GPM6A: variants seen among roughly 807,000 people sequenced by gnomAD.
The protein encoded by GPM6A is glycoprotein M6A, also known as neuronal membrane glycoprotein M6-a.
Under a neutral mutation model 32.1 loss-of-function variants are expected in GPM6A, and 7 were observed. The ratio of observed to expected loss-of-function variants is 0.22; its 90% CI spans 0.12 to 0.41. The LOEUF (loss-of-function observed/expected upper bound fraction) is 0.41. GPM6A is among the 10% of genes least tolerant of loss of function. The pLI is 1.00. For missense variants in GPM6A, 235 were observed against 347.2 expected, an observed-to-expected ratio of 0.68 and a Z score of 2.57; for synonymous variants, 130 against 123.4, an observed-to-expected ratio of 1.05 and a Z score of -0.35.
intron 3 of GPM6A, among the ~76,000 whole-genome samples, chr4:175,665,148 C>T (rs1397673536): frequency 1.3e-5 from 2 of 152,162 alleles, no homozygotes; most frequent in African/African-American, 2.4e-5. Context: ...GTCCTGTGTG[C>T]CCACAATGTG....
chr4:175,818,659 C>T (rs985222198), intron 1 of GPM6A, among the ~76,000 whole-genome samples: 1 of 152,230 alleles, frequency 6.6e-6, no homozygotes, highest in African/African-American at 2.4e-5. Flanking sequence ...TGAACAAACT[C>T]AGTGGCTTAC....
intron 1 of GPM6A, among the ~76,000 whole-genome samples, chr4:175,944,385 C>A (rs1315849375): frequency 6.6e-6 from 1 of 152,154 alleles, no homozygotes; most frequent in African/African-American, 2.4e-5. Flanking sequence ...CAAAAGGAAA[C>A]AGCCCGAGTA....
intron 1 of GPM6A, among the ~76,000 whole-genome samples, chr4:175,758,600 A>T (rs1732621513): frequency 6.6e-6 from 1 of 152,198 alleles, no homozygotes; most frequent in African/African-American, 2.4e-5. Flanking sequence ...AAATCTAAAA[A>T]TGACCGTTTT....
intron 1 of GPM6A, among the ~76,000 whole-genome samples, chr4:175,878,505 C>T (rs1737159479): frequency 1.3e-5 from 2 of 152,180 alleles, no homozygotes; most frequent in African/African-American, 4.8e-5. Context: ...GCTGCCAAGG[C>T]TTGGGGCTTT....
chr4:175,917,420 A>C (rs1375654729), intron 1 of GPM6A, among the ~76,000 whole-genome samples: 1 of 152,186 alleles, frequency 6.6e-6, no homozygotes, highest in African/African-American at 2.4e-5. Flanking sequence ...CAAGAAAAGG[A>C]ATATTAGCAA....
chr4:175,983,655 T>C (rs1391103617), intron 1 of GPM6A, among the ~76,000 whole-genome samples: 3 of 152,214 alleles, frequency 2.0e-5, no homozygotes, highest in Admixed American at 6.5e-5. Flanking sequence ...ACTTGGCCTA[T>C]ACATGTTGCA....
chr4:175,742,922 G>C (rs1731946836), intron 1 of GPM6A, among the ~76,000 whole-genome samples: 1 of 152,002 alleles, frequency 6.6e-6, no homozygotes. Flanking sequence ...AGATGTGGGA[G>C]GATAACTTGA....
intron 1 of GPM6A, among the ~76,000 whole-genome samples, chr4:175,721,121 T>C (rs1746104660): frequency 7.4e-6 from 1 of 136,016 alleles, no homozygotes. Flanking sequence ...ATATTTTCTA[T>C]TTTTAAAAAG....
intron 1 of GPM6A, among the ~76,000 whole-genome samples, chr4:175,928,034 T>G (rs1738904512): frequency 6.6e-6 from 1 of 152,190 alleles, no homozygotes; most frequent in Non-Finnish European, 1.5e-5. Flanking sequence ...ATTTAGCAAA[T>G]TATTCTTATT....
chr4:175,732,069 C>A (rs1052754535), intron 1 of GPM6A, among the ~76,000 whole-genome samples: 9 of 149,496 alleles, frequency 6.0e-5, no homozygotes, highest in Non-Finnish European at 1.3e-4. Context: ...TGGGTTCAAG[C>A]GATTCGCCTG....
At chr4:175,735,167 T>C (rs938749120) in intron 1 of GPM6A, among the ~76,000 whole-genome samples, 3 of 152,342 alleles carry the variant, frequency 2.0e-5, no homozygotes, top group African/African-American at 7.2e-5. Flanking sequence ...GAGTTAATAC[T>C]TTTTTCTTCC....
chr4:175,689,710 T>C (rs867242511), intron 2 of GPM6A, among the ~76,000 whole-genome samples: 2 of 152,238 alleles, frequency 1.3e-5, no homozygotes, highest in Non-Finnish European at 2.9e-5. Flanking sequence ...TATTGAAATC[T>C]CCTACTATGA....
chr4:175,675,825 T>C (rs1223732228), intron 2 of GPM6A, among the ~76,000 whole-genome samples: 2 of 150,236 alleles, frequency 1.3e-5, no homozygotes, highest in African/African-American at 4.9e-5. Flanking sequence ...AATTTCTTCG[T>C]TTTTTTTGTA....
At chr4:175,785,983 C>T (rs1436098478) in intron 1 of GPM6A, among the ~76,000 whole-genome samples, 3 of 151,408 alleles carry the variant, frequency 2.0e-5, no homozygotes, top group Non-Finnish European at 4.4e-5. Flanking sequence ...ATAAACACTT[C>T]GATAGAGAAA....
chr4:175,713,705 C>T (rs1414761433), intron 1 of GPM6A, among the ~76,000 whole-genome samples: 2 of 152,172 alleles, frequency 1.3e-5, no homozygotes, highest in Non-Finnish European at 1.5e-5. Context: ...GGCTATAATA[C>T]TCTGCTTAAA....
chr4:175,996,863 G>C (rs569312282), intron 1 of GPM6A, among the ~76,000 whole-genome samples: 1 of 151,920 alleles, frequency 6.6e-6, no homozygotes, highest in Non-Finnish European at 1.5e-5. Flanking sequence ...TCCTTTCCTC[G>C]TATGAGCTGG....
At chr4:175,839,218 AC>A (rs1735866495) in intron 1 of GPM6A, among the ~76,000 whole-genome samples, 1 of 152,202 alleles carries the variant, frequency 6.6e-6, no homozygotes, top group Admixed American at 6.5e-5. Context: ...ACTAGAATAA[AC>A]TCCTGATGAA....
chr4:175,701,576 T>G lies in GPM6A; in HGVS notation c.229A>C (p.Met77Leu). ...ACAAGAAATACTAGAGTGACTTACATGGTAAAAACATCCAGTGTGTCTCCA... is the reference window on the plus strand; with the variant it reads ...ACAAGAAATACTAGAGTGACTTACAGGGTAAAAACATCCAGTGTGTCTCCA... ...TAGDTLDVFTMIDIFKYVIYG... is the reference protein window; with the variant it reads ...TAGDTLDVFTLIDIFKYVIYG... The change falls in exon 2 of 7, where the codon ATG (methionine) becomes CTG (leucine). Residue 77 changes from methionine to leucine, a missense_variant and splice_region_variant. Met to Leu is a conservative substitution (Grantham distance 15). Around this residue, in one of 3 missense-constraint regions of GPM6A, gnomAD observed 101 missense variants for 171.2 expected, o/e 0.59. Transcript: ENST00000393658. 1 of 1,608,018 alleles carries G rather than the reference T, an allele frequency of 6.2e-7. No individual in the cohort carries two copies.
intron 1 of GPM6A, among the ~76,000 whole-genome samples, chr4:175,718,047 A>G (rs1745930715): frequency 6.6e-6 from 1 of 152,206 alleles, no homozygotes; most frequent in Non-Finnish European, 1.5e-5. Flanking sequence ...TATTATGGTT[A>G]TTGAGAAATT....
Sources: gnomAD v4.1 joint callset for allele counts (sites outside exome capture counted in the v4.1 genomes callset) on GRCh38, gnomAD v4.1.1 for gene constraint, gnomAD v4.1.1 regional missense constraint, MANE v1.5 for transcripts, NCBI Gene and HGNC (gene_info 2026-07-23, HGNC 2026-07-21) for gene names.